The following GIPC2 variants were observed in gnomAD, a reference collection of about 807,000 sequenced individuals.
GIPC2 encodes GIPC PDZ domain containing family member 2, also known as PDZ domain-containing protein GIPC2.
In GIPC2, 30 loss-of-function variants were observed where a neutral mutation model predicts 30.6. That is an observed-to-expected ratio of 0.98 (90% CI 0.73 to 1.33). The LOEUF (loss-of-function observed/expected upper bound fraction) is 1.33. Ranked by LOEUF, GIPC2 falls within the 40% of genes most tolerant of loss-of-function variation. GIPC2 has a pLI of 0.00. For missense variants in GIPC2, 414 were observed against 390.3 expected, an observed-to-expected ratio of 1.06 and a Z score of -0.51; for synonymous variants, 167 against 150.0, an observed-to-expected ratio of 1.11 and a Z score of -0.83.
At chr1:78,119,545 T>C in intron 4 of GIPC2, 46 bp downstream of exon 4, 1 of 1,175,294 alleles carries the variant, frequency 8.5e-7, no homozygotes, top group Non-Finnish European at 1.3e-6. Context: ...AAATGTTGAG[T>C]TAGATAAAAT....
chr1:78,095,154 G>A (rs200240027), intron 3 of GIPC2, 22 bp downstream of exon 3: 12 of 1,570,136 alleles, frequency 7.6e-6, no homozygotes, highest in East Asian at 2.2e-5. Flanking sequence ...GTTGGTGGGC[G>A]GGTGTGTGAA....
At chr1:78,106,531 G>T (rs1219600809) in intron 3 of GIPC2, among the ~76,000 whole-genome samples, 1 of 152,094 alleles carries the variant, frequency 6.6e-6, no homozygotes, top group East Asian at 1.9e-4. Context: ...CTGCACTCCA[G>T]CCTGGGCAAC....
At chr1:78,118,455 C>T (rs1025147875) in intron 3 of GIPC2, among the ~76,000 whole-genome samples, 5 of 151,696 alleles carry the variant, frequency 3.3e-5, no homozygotes, top group African/African-American at 1.2e-4. Context: ...CAATTATCCT[C>T]TTTCTTCGCC....
At chr1:78,108,586 C>A (rs1304366872) in intron 3 of GIPC2, among the ~76,000 whole-genome samples, 1 of 152,252 alleles carries the variant, frequency 6.6e-6, no homozygotes, top group African/African-American at 2.4e-5. Context: ...TGGTCTGTCT[C>A]AGCACCCTAC....
chr1:78,117,682 C>T (rs1662594083), intron 3 of GIPC2, among the ~76,000 whole-genome samples: 1 of 152,160 alleles, frequency 6.6e-6, no homozygotes, highest in African/African-American at 2.4e-5. Flanking sequence ...ACCTCTACTT[C>T]AGTGCAGCAT....
At chr1:78,073,051 C>T (rs561193371) in intron 1 of GIPC2, among the ~76,000 whole-genome samples, 20 of 149,688 alleles carry the variant, frequency 1.3e-4, no homozygotes, top group South Asian at 4.3e-4. Flanking sequence ...CCTTGTGATC[C>T]GCCTGCCTCG....
At chr1:78,082,297 G>A (rs776197063) in intron 2 of GIPC2, among the ~76,000 whole-genome samples, 1 of 152,168 alleles carries the variant, frequency 6.6e-6, no homozygotes, top group Non-Finnish European at 1.5e-5. Flanking sequence ...ATGCAACAGG[G>A]AATATTTTGT....
rs115884029 is a variant in GIPC2, at chr1:78,080,622, G to A, written c.241-53G>A. The stretch of plus-strand genomic sequence containing the variant: ...AATAAATGTTTATAAATAAATTAAC[G>A]GTCAGATGTATTCCAAGTGGAAATG... On this transcript the variant is annotated intron_variant, in intron 1 of 5. Transcript: ENST00000370759. 2.7e-3 allele frequency: 2,516 copies of A among 917,770 alleles called. 51 individuals carry two copies. The African/African-American group carries it at 0.038, about 14-fold the overall frequency. 56.9% of individuals were successfully genotyped at this position (917,770 alleles called of 1,614,324 possible).
At chr1:78,070,249 G>C (rs1661592016) in intron 1 of GIPC2, among the ~76,000 whole-genome samples, 1 of 151,924 alleles carries the variant, frequency 6.6e-6, no homozygotes, top group South Asian at 2.1e-4. Context: ...GTATAATTAT[G>C]ATGTTTTATA....
chr1:78,103,689 T>C (rs1488117826), intron 3 of GIPC2, among the ~76,000 whole-genome samples: 1 of 152,206 alleles, frequency 6.6e-6, no homozygotes, highest in African/African-American at 2.4e-5. Flanking sequence ...ATGCAGACCA[T>C]GATGCATGCT....
intron 1 of GIPC2, among the ~76,000 whole-genome samples, chr1:78,062,808 G>T (rs1661418843): frequency 6.6e-6 from 1 of 151,922 alleles, no homozygotes; most frequent in South Asian, 2.1e-4. Context: ...CCTGGCCAAG[G>T]AATTATTGTT....
chr1:78,131,873 A>G (rs961481442), intron 5 of GIPC2, among the ~76,000 whole-genome samples: 3 of 152,380 alleles, frequency 2.0e-5, no homozygotes, highest in African/African-American at 4.8e-5. Context: ...TAAAAGATGT[A>G]TAGAGCACTG....
intron 2 of GIPC2, among the ~76,000 whole-genome samples, chr1:78,086,266 C>T (rs1317290077): frequency 6.6e-6 from 1 of 152,080 alleles, no homozygotes; most frequent in Non-Finnish European, 1.5e-5. Flanking sequence ...ATTTTTATTG[C>T]ACTGTGGTCC....
chr1:78,055,021 A>T (rs1661262715), intron 1 of GIPC2, among the ~76,000 whole-genome samples: 2 of 152,180 alleles, frequency 1.3e-5, no homozygotes, highest in Admixed American at 1.3e-4. Context: ...ATGTATGTAT[A>T]TGTCTGTCTG....
chr1:78,057,186 C>A (rs1241724124), intron 1 of GIPC2, among the ~76,000 whole-genome samples: 2 of 152,124 alleles, frequency 1.3e-5, no homozygotes, highest in Non-Finnish European at 2.9e-5. Context: ...CAGTTCTATT[C>A]TACTGGAATA....
At chr1:78,100,181 G>A (rs1662215402) in intron 3 of GIPC2, among the ~76,000 whole-genome samples, 1 of 152,206 alleles carries the variant, frequency 6.6e-6, no homozygotes. Context: ...AGTGCCTGTA[G>A]GCATGAAGAG....
intron 1 of GIPC2, 39 bp downstream of exon 1, chr1:78,046,373 C>T: frequency 7.0e-7 from 1 of 1,429,074 alleles, no homozygotes; most frequent in Non-Finnish European, 9.6e-7. Flanking sequence ...GCCTCTCCGC[C>T]GCGCCGCGCC....
intron 2 of GIPC2, 48 bp from the exon 3 acceptor site, chr1:78,094,904 C>G: frequency 7.6e-7 from 1 of 1,316,456 alleles, no homozygotes; most frequent in Non-Finnish European, 1.1e-6. Flanking sequence ...TTGGTGCATT[C>G]ATTACACAGT....
chr1:78,053,381 C>A (rs925473546), intron 1 of GIPC2, among the ~76,000 whole-genome samples: 3 of 152,190 alleles, frequency 2.0e-5, no homozygotes, highest in Non-Finnish European at 4.4e-5. Context: ...TTTGGACCCT[C>A]TCCCAAATCA....
Sources: gnomAD v4.1 joint callset for allele counts (sites outside exome capture counted in the v4.1 genomes callset) on GRCh38, gnomAD v4.1.1 for gene constraint, MANE v1.5 for transcripts, NCBI Gene and HGNC (gene_info 2026-07-23, HGNC 2026-07-21) for gene names.